KCNQ3: variants seen among roughly 807,000 people sequenced by gnomAD.
The protein encoded by KCNQ3 is potassium voltage-gated channel subfamily Q member 3, also known as potassium voltage-gated channel subfamily KQT member 3.
Under a neutral mutation model 92.5 loss-of-function variants are expected in KCNQ3, and 30 were observed. The ratio of observed to expected loss-of-function variants is 0.32; its 90% confidence interval spans 0.24 to 0.44. KCNQ3 has a LOEUF of 0.44. Among genes scored for constraint, KCNQ3 ranks in the 20% least tolerant of loss-of-function variants. The pLI is 1.00. For missense variants in KCNQ3, 913 were observed against 1,140.3 expected (o/e 0.80, Z 2.87); for synonymous variants, 450 against 468.8 (o/e 0.96, Z 0.52).
intron 9 of KCNQ3, 52 bp downstream of exon 9, chr8:132,163,416 C>G: frequency 6.6e-7 from 1 of 1,505,976 alleles, no homozygotes; most frequent in Non-Finnish European, 9.2e-7. Context: ...GAGCAGGATG[C>G]TCTGTCTTGA....
intron 1 of KCNQ3, chr8:132,321,415 C>T (rs1273244027): frequency 3.3e-5 from 5 of 152,564 alleles, no homozygotes; most frequent in African/African-American, 1.2e-4. Context: ...ATTTTCTCCT[C>T]CAACCTCCAA....
Position 132,129,418 on chromosome 8 carries a change from A to G in KCNQ3, c.2463T>C (p.Asn821=). 5 of 1,614,106 alleles carry G rather than the reference A, an allele frequency of 3.1e-6. No homozygotes were observed. The highest frequency in any genetic ancestry group is 3.4e-6 in the Non-Finnish European group (4 of 1,180,016). The change falls in exon 15 of 15, where the codon AAT becomes AAC. Residue 821 remains asparagine, a synonymous_variant. Transcript: ENST00000388996. The surrounding 1 kb of genome is among the most constrained non-coding windows in gnomAD (Gnocchi z 5.9). ...QDRDDYVFGP[N]GGSSWMREKR... is the part of the protein sequence containing the mutation. Reference sequence around the variant, plus strand: ...TCTCCCTCATCCAGCTCGACCCCCCATTGGGGCCGAACACATAATCATCTC... The same window carrying G: ...TCTCCCTCATCCAGCTCGACCCCCCGTTGGGGCCGAACACATAATCATCTC...
intron 1 of KCNQ3, among the ~76,000 whole-genome samples, chr8:132,212,751 C>T (rs752284068): frequency 6.6e-6 from 1 of 152,172 alleles, no homozygotes; most frequent in South Asian, 2.1e-4. Context: ...ACATCTTCCC[C>T]GCCTCACTCT....
At chr8:132,280,444 T>G (rs970001382) in intron 1 of KCNQ3, among the ~76,000 whole-genome samples, 1 of 151,978 alleles carries the variant, frequency 6.6e-6, no homozygotes, top group Non-Finnish European at 1.5e-5. Context: ...AAGAGAGAGA[T>G]AGAGTGGGTG....
chr8:132,187,735 ATGATGGTGGTGGTGGTGGTAG>A (rs1827021033), intron 1 of KCNQ3, among the ~76,000 whole-genome samples: 1 of 136,132 alleles, frequency 7.3e-6, no homozygotes, highest in Non-Finnish European at 1.6e-5. Flanking sequence ...GGTGATAGTG[ATGATGGTGGTGGTGGTGGTAG>A]TGATGATGGT....
chr8:132,137,789 T>C, intron 12 of KCNQ3, 96 bp downstream of exon 12: 4 of 1,442,498 alleles, frequency 2.8e-6, no homozygotes, highest in Non-Finnish European at 3.9e-6. Flanking sequence ...AATCTCTCCC[T>C]GCATTTTGAA....
intron 1 of KCNQ3, among the ~76,000 whole-genome samples, chr8:132,305,863 T>G (rs950292908): frequency 1.4e-5 from 2 of 147,402 alleles, no homozygotes. Flanking sequence ...TTAAAGAGTT[T>G]TTTGGGGGGT....
intron 1 of KCNQ3, among the ~76,000 whole-genome samples, chr8:132,325,090 C>T (rs1818004601): frequency 6.6e-6 from 1 of 151,890 alleles, no homozygotes; most frequent in Admixed American, 6.6e-5. Flanking sequence ...TTGGTAGGAG[C>T]CCTGGAGTGG....
In KCNQ3 at chr8:132,182,882, G is replaced by GCACACACA. The variant is rs3993055; in HGVS notation, c.604+1351_604+1358dup. The stretch of plus-strand genomic sequence containing the variant: ...ATCATTAAAAAAGTCCTCCAATATC[G>GCACACACA]CACACACACACACACACACACACAC... On this transcript the variant is annotated intron_variant, in intron 3 of 14. Transcript: ENST00000388996. 3.4e-3 allele frequency among the ~76,000 whole-genome samples: 497 copies of GCACACACA among 146,090 alleles called. 3 individuals carry two copies. Among genetic ancestry groups the GCACACACA allele is most frequent in the African/African-American group, 0.012 (480 of 40,100 alleles).
intron 1 of KCNQ3, among the ~76,000 whole-genome samples, chr8:132,475,145 A>C (rs1441631193): frequency 6.6e-6 from 1 of 152,212 alleles, no homozygotes; most frequent in African/African-American, 2.4e-5. Context: ...CCAGCCATGC[A>C]GAACTGTGAG....
Position 132,154,192 on chromosome 8 carries a change from A to ATTTTTTTTTTTT in KCNQ3, c.1262+9275_1262+9276insAAAAAAAAAAAA, listed in dbSNP as rs1563775830. Among the ~76,000 whole-genome samples, 70 of 104,470 alleles carry ATTTTTTTTTTTT rather than the reference A, an allele frequency of 6.7e-4. 2 individuals are homozygous for ATTTTTTTTTTTT. Among genetic ancestry groups the ATTTTTTTTTTTT allele is most frequent in the African/African-American group, 1.9e-3 (59 of 30,320 alleles). 68.5% of individuals were successfully genotyped at this position (104,470 alleles called of 152,430 possible). ...CCTGATGTACCATCAAAAGGGTAAA[A>ATTTTTTTTTTTT]GTTTTTTTTTTTTTTTTTTTTTTTT... On this transcript the variant is annotated intron_variant, in intron 9 of 14. Transcript: ENST00000388996.
At chr8:132,387,436 A>T (rs1819917318) in intron 1 of KCNQ3, among the ~76,000 whole-genome samples, 2 of 152,212 alleles carry the variant, frequency 1.3e-5, no homozygotes, top group Non-Finnish European at 2.9e-5. Context: ...ACCAATAGGA[A>T]ACATCTTAAT....
In KCNQ3 at chr8:132,480,671, C is replaced by CCT. The variant is rs886062697; in HGVS notation, c.-140_-139insAG. ...GCCATGATCCGCGCGCCCCTCCCCA[C>CCT]CCCCCCCCAAAAGCAGGCAAAGGCG... On this transcript the variant is annotated 5_prime_UTR_variant, in exon 1 of 15. Transcript: ENST00000388996. The CCT allele has an allele frequency of 1.4e-6, 1 of 718,266 alleles. No individual in the cohort carries two copies. Among genetic ancestry groups the CCT allele is most frequent in the Non-Finnish European group, 1.6e-6 (1 of 609,870 alleles). The allele number at this position is 718,266 out of a possible 1,614,324, so 44.5% of individuals were successfully genotyped here. A position where few individuals can be genotyped will look rare whatever the true frequency, so the allele number is the denominator to read the frequency against.
intron 1 of KCNQ3, among the ~76,000 whole-genome samples, chr8:132,276,508 A>C (rs917222639): frequency 6.6e-6 from 1 of 152,034 alleles, no homozygotes; most frequent in African/African-American, 2.4e-5. Flanking sequence ...CAGTGGTGGG[A>C]GCTCATTACC....
chr8:132,361,752 AAG>A (rs952082225), intron 1 of KCNQ3, among the ~76,000 whole-genome samples: 6 of 152,232 alleles, frequency 3.9e-5, no homozygotes, highest in African/African-American at 1.4e-4. Flanking sequence ...TTGATTAAGA[AAG>A]AATACACCAG....
chr8:132,374,709 G>A (rs1819564698), intron 1 of KCNQ3, among the ~76,000 whole-genome samples: 1 of 152,128 alleles, frequency 6.6e-6, no homozygotes, highest in Admixed American at 6.5e-5. Flanking sequence ...CCCAGCGTCT[G>A]TTATTCCCCT....
At chr8:132,279,570 A>G (rs965684456) in intron 1 of KCNQ3, among the ~76,000 whole-genome samples, 3 of 152,206 alleles carry the variant, frequency 2.0e-5, no homozygotes, top group African/African-American at 7.2e-5. Flanking sequence ...CACTGGTTAA[A>G]GCATACTGCA....
At chr8:132,403,876 C>T (rs1820410199) in intron 1 of KCNQ3, among the ~76,000 whole-genome samples, 1 of 152,156 alleles carries the variant, frequency 6.6e-6, no homozygotes, top group South Asian at 2.1e-4. Flanking sequence ...CTTGGGAAAC[C>T]TCATGAAACA....
At chr8:132,437,205 AG>A (rs1472184838) in intron 1 of KCNQ3, among the ~76,000 whole-genome samples, 2 of 151,460 alleles carry the variant, frequency 1.3e-5, no homozygotes, top group Non-Finnish European at 2.9e-5. Flanking sequence ...CGTGAACCCC[AG>A]GGGGCGGAGC....
Sources: allele counts gnomAD v4.1 joint callset (sites outside exome capture counted in the v4.1 genomes callset), GRCh38; gene constraint gnomAD v4.1.1; non-coding constraint Gnocchi (gnomAD v3.1); transcripts MANE v1.5; gene names NCBI Gene and HGNC (gene_info 2026-07-23, HGNC 2026-07-21).